BIRC5: variants seen among roughly 807,000 people sequenced by gnomAD.
BIRC5 encodes the protein baculoviral IAP repeat-containing protein 5.
Under a neutral mutation model 15.8 loss-of-function variants are expected in BIRC5, and 8 were observed. That is an observed-to-expected ratio of 0.51 (90% CI 0.30 to 0.91). BIRC5 has a LOEUF of 0.91. Among genes scored for constraint, BIRC5 ranks in the 40% least tolerant of loss-of-function variants. BIRC5 has a pLI of 0.07. For missense variants in BIRC5, 163 were observed against 178.6 expected, an observed-to-expected ratio of 0.91 and a Z score of 0.50; for synonymous variants, 56 against 64.5, an observed-to-expected ratio of 0.87 and a Z score of 0.63.
chr17:78,220,382 C>T (rs981392376), intron 3 of BIRC5, among the ~76,000 whole-genome samples: 7 of 151,522 alleles, frequency 4.6e-5, no homozygotes, highest in Admixed American at 1.3e-4. Flanking sequence ...GAGCCGAGAT[C>T]GCGCCACTGC....
At chr17:78,214,953 T>C (rs1263714301) in intron 2 of BIRC5, 164 bp downstream of exon 2, 12 of 655,162 alleles carry the variant, frequency 1.8e-5, no homozygotes, top group Non-Finnish European at 5.3e-6. Flanking sequence ...GCCTTGGTGA[T>C]GCTTACAACC....
intron 2 of BIRC5, chr17:78,215,011 C>T (rs2076467594): frequency 4.0e-6 from 2 of 495,094 alleles, no homozygotes; most frequent in Non-Finnish European, 3.7e-6. Flanking sequence ...ACGTAAGATG[C>T]CTGATGCCTT....
At position 78,216,598 on chromosome 17, in the gene BIRC5, C is replaced by T. The variant is rs2076479644; in HGVS notation, c.222-66C>T. On this transcript the variant is annotated intron_variant, in intron 2 of 3. Transcript: ENST00000350051. ...CTGTGGAGGGCGTGGGGAGGTGGCC[C>T]GTGGGGAGTGGACTGCCGCTTTAAT... 1.4e-5 allele frequency: 20 copies of T among 1,408,992 alleles called. 1 individual carries two copies. Among genetic ancestry groups the T allele is most frequent in the South Asian group, 8.1e-5 (7 of 86,322 alleles). 87.3% of individuals were successfully genotyped at this position (1,408,992 alleles called of 1,614,324 possible).
In BIRC5 at chr17:78,216,859, T is replaced by G. The variant is rs566606467; in HGVS notation, c.339+78T>G. 7.2e-6 allele frequency: 8 copies of G among 1,114,072 alleles called. No homozygotes were observed. In the South Asian group the frequency reaches 9.6e-5, roughly 13 times the overall value. 69.0% of individuals were successfully genotyped at this position (1,114,072 alleles called of 1,614,324 possible). ...AAACTACCTAGTCCCTCAAAGGGAC[T>G]CTGTGTTTTCCTCAGGAAGCATTTT... On this transcript the variant is annotated intron_variant, in intron 3 of 3. Transcript: ENST00000350051.
intron 2 of BIRC5, chr17:78,215,872 G>A (rs983289205): frequency 9.4e-7 from 1 of 1,063,352 alleles, no homozygotes; most frequent in Non-Finnish European, 1.2e-6. Flanking sequence ...AGTTATACAG[G>A]GAGACTCCCC....
At chr17:78,218,572 G>A (rs1369062297) in intron 3 of BIRC5, among the ~76,000 whole-genome samples, 1 of 150,538 alleles carries the variant, frequency 6.6e-6, no homozygotes, top group Non-Finnish European at 1.5e-5. Context: ...TTACAGGCAT[G>A]AGCCACCATG....
At chr17:78,217,579 C>T (rs1217738472) in intron 3 of BIRC5, among the ~76,000 whole-genome samples, 2 of 152,106 alleles carry the variant, frequency 1.3e-5, no homozygotes, top group East Asian at 3.9e-4. Context: ...TCACTGCAAG[C>T]TCCGCCCCCC....
intron 3 of BIRC5, among the ~76,000 whole-genome samples, chr17:78,219,229 G>A (rs1339863530): frequency 6.6e-6 from 1 of 152,158 alleles, no homozygotes; most frequent in African/African-American, 2.4e-5. Context: ...CAGTCGCCCA[G>A]GCTGGAGTGT....
In BIRC5 at chr17:78,214,386, A is replaced by T; in HGVS notation, c.70A>T (p.Asn24Tyr). Residue 24 changes from asparagine (N) to tyrosine (Y), a missense_variant, in exon 1 of 4, where the codon AAC becomes TAC. Physicochemically the swap from Asn to Tyr is moderately radical, Grantham distance 143. Transcript: ENST00000350051. The part of the protein sequence containing the change: ...LKDHRISTFK[N>Y]WPFLEGCACT... ...GGACCACCGCATCTCTACATTCAAGAACTGGCCCTTCTTGGAGGGCTGCGC... is the reference window on the plus strand; with the variant it reads ...GGACCACCGCATCTCTACATTCAAGTACTGGCCCTTCTTGGAGGGCTGCGC... 6.2e-7 allele frequency: 1 copy of T among 1,602,234 alleles called. No homozygotes were observed. The highest frequency in any genetic ancestry group is 8.5e-7 in the Non-Finnish European group (1 of 1,174,336).
At chr17:78,223,052 GGGGTGCCCAGACTAGC>G (rs2076525695) in intron 3 of BIRC5, 1 of 581,796 alleles carries the variant, frequency 1.7e-6, no homozygotes, top group East Asian at 6.2e-5. Flanking sequence ...TAGACTAGCT[GGGGTGCCCAGACTAGC>G]TGGGGTGCCT....
At chr17:78,220,764 C>A (rs2076509988) in intron 3 of BIRC5, among the ~76,000 whole-genome samples, 1 of 152,052 alleles carries the variant, frequency 6.6e-6, no homozygotes, top group Non-Finnish European at 1.5e-5. Context: ...CTCTGTCACC[C>A]AGGCTGAGTG....
chr17:78,221,461 C>G (rs980007487), intron 3 of BIRC5, among the ~76,000 whole-genome samples: 2 of 151,858 alleles, frequency 1.3e-5, no homozygotes, highest in Non-Finnish European at 1.5e-5. Flanking sequence ...GAATCTCACT[C>G]TGTCGCCCAG....
chr17:78,220,582 C>A (rs1490510631), intron 3 of BIRC5, among the ~76,000 whole-genome samples: 1 of 152,062 alleles, frequency 6.6e-6, no homozygotes, highest in Non-Finnish European at 1.5e-5. Context: ...TTACAGCCTG[C>A]AAGAAAAGTA....
At chr17:78,215,849 A>T in intron 2 of BIRC5, 1 of 1,043,398 alleles carries the variant, frequency 9.6e-7, no homozygotes. Flanking sequence ...CAGTTCTGGT[A>T]ACGGTGATAG....
chr17:78,214,644 G>T, intron 1 of BIRC5, 36 bp from the exon 2 acceptor site: 1 of 1,545,066 alleles, frequency 6.5e-7, no homozygotes. Context: ...GTTCCGGGCT[G>T]CCACGTCCAC....
At chr17:78,222,771 A>G in intron 3 of BIRC5, 1 of 1,529,836 alleles carries the variant, frequency 6.5e-7, no homozygotes. Flanking sequence ...TTTATAAAAA[A>G]TATGGTAGGG....
intron 3 of BIRC5, among the ~76,000 whole-genome samples, chr17:78,222,096 G>A (rs1001406089): frequency 4.6e-5 from 7 of 151,800 alleles, no homozygotes; most frequent in Non-Finnish European, 7.4e-5. Context: ...AGCTACTCAG[G>A]AGGCTGAGGT....
intron 3 of BIRC5, among the ~76,000 whole-genome samples, chr17:78,222,167 A>T (rs1157378437): frequency 6.6e-6 from 1 of 151,230 alleles, no homozygotes; most frequent in African/African-American, 2.4e-5. Context: ...TTGCCACTGC[A>T]TTCCAGCCTG....
chr17:78,216,762 A>C lies in BIRC5; in HGVS notation c.320A>C (p.Glu107Ala). The change falls in exon 3 of 4, where the codon GAA becomes GCA. Residue 107 changes from glutamate to alanine, a missense_variant. Physicochemically the swap from Glu to Ala is moderately radical, Grantham distance 107. Transcript: ENST00000350051. ...TLGEFLKLDR[E>A]RAKNKIAKET... ...GGTGAATTTTTGAAACTGGACAGAG[A>C]AAGAGCCAAGAACAAAATTGTATGT... 1 of 1,613,864 alleles carries C rather than the reference A, an allele frequency of 6.2e-7. No individual in the cohort carries two copies. The highest frequency in any genetic ancestry group is 8.5e-7 in the Non-Finnish European group (1 of 1,179,898).
Sources: allele counts gnomAD v4.1 joint callset (sites outside exome capture counted in the v4.1 genomes callset), GRCh38; gene constraint gnomAD v4.1.1; transcripts MANE v1.5; gene names NCBI Gene and HGNC (gene_info 2026-07-23, HGNC 2026-07-21).